INPP5F: variants seen among roughly 807,000 people sequenced by gnomAD.
INPP5F encodes inositol polyphosphate-5-phosphatase F, also known as phosphatidylinositide 4-phosphatase SAC2.
Under a neutral mutation model 137.2 loss-of-function variants are expected in INPP5F, and 97 were observed. That is an observed-to-expected ratio of 0.71 (90% confidence interval 0.60 to 0.84). The LOEUF is 0.84. Ranked by LOEUF, INPP5F falls within the 40% of genes least tolerant of loss-of-function variation. The pLI is 0.00. For missense variants in INPP5F, 1,271 were observed against 1,371.9 expected, an observed-to-expected ratio of 0.93 and a Z score of 1.16; for synonymous variants, 504 against 476.9, an observed-to-expected ratio of 1.06 and a Z score of -0.74.
chr10:119,727,228 C>T (rs1847920815), intron 1 of INPP5F, among the ~76,000 whole-genome samples: 1 of 152,146 alleles, frequency 6.6e-6, no homozygotes, highest in African/African-American at 2.4e-5. Flanking sequence ...TTAGGGAAAG[C>T]GAGAGGATAG....
intron 2 of INPP5F, among the ~76,000 whole-genome samples, chr10:119,778,783 G>GT (rs1472695061): frequency 6.6e-6 from 1 of 152,088 alleles, no homozygotes; most frequent in Non-Finnish European, 1.5e-5. Flanking sequence ...AGTTCAGTTA[G>GT]TTTTTTCTTC....
chr10:119,811,726 A>G (rs1009601985), intron 14 of INPP5F, 31 bp from the exon 15 acceptor site: 3 of 1,533,034 alleles, frequency 2.0e-6, no homozygotes, highest in Non-Finnish European at 2.7e-6. Flanking sequence ...GTAAACTAAA[A>G]TGATGATAGA....
At chr10:119,810,044 T>C in intron 13 of INPP5F, 56 bp from the exon 14 acceptor site, 1 of 964,598 alleles carries the variant, frequency 1.0e-6, no homozygotes, top group East Asian at 2.4e-5. Context: ...CCACAATTTA[T>C]TTTGGGGGCA....
At position 119,811,794 on chromosome 10, in the gene INPP5F, T is replaced by G; in HGVS notation, c.1725T>G (p.Tyr575Ter). ...GCATTCCAGTGACAGAAGATCTTTA[T>G]TCCATATTTACCAAGGAGAAAGAAC... is the stretch of plus-strand genomic sequence containing the variant. The part of the protein sequence containing the change: ...MQGIPVTEDL[Y>*]SIFTKEKEHE... Residue 575 changes from tyrosine (Y) to a stop codon, truncating the protein, a stop_gained, in exon 15 of 20, where the codon TAT becomes TAG. Transcript: ENST00000650623. LOFTEE classifies it high-confidence loss of function. 6.2e-7 allele frequency: 1 copy of G among 1,614,166 alleles called. No homozygotes were observed. The highest frequency in any genetic ancestry group is 1.1e-5 in the South Asian group (1 of 91,090).
At chr10:119,746,190 A>G (rs770275915) in intron 1 of INPP5F, among the ~76,000 whole-genome samples, 2 of 152,146 alleles carry the variant, frequency 1.3e-5, no homozygotes, top group Non-Finnish European at 2.9e-5. Context: ...TGTTTCTCCA[A>G]TGATGGGACA....
intron 2 of INPP5F, among the ~76,000 whole-genome samples, chr10:119,780,165 G>A (rs1257931381): frequency 6.6e-6 from 1 of 152,110 alleles, no homozygotes; most frequent in Admixed American, 6.5e-5. Flanking sequence ...GTAGCTCATC[G>A]TTGACTGAAA....
intron 15 of INPP5F, chr10:119,819,953 G>T (rs1187733437): frequency 1.3e-5 from 2 of 153,410 alleles, no homozygotes; most frequent in African/African-American, 4.8e-5. Context: ...AAGGTCTAGG[G>T]AATAGGTATG....
intron 1 of INPP5F, among the ~76,000 whole-genome samples, chr10:119,732,151 G>A (rs750910600): frequency 6.7e-6 from 1 of 148,414 alleles, no homozygotes; most frequent in African/African-American, 2.5e-5. Context: ...TTCTTGTGCC[G>A]CAGCCTCCTG....
At chr10:119,756,397 A>G (rs1467727428) in intron 2 of INPP5F, among the ~76,000 whole-genome samples, 6 of 152,048 alleles carry the variant, frequency 3.9e-5, no homozygotes, top group African/African-American at 1.4e-4. Context: ...GCACTTTGGG[A>G]GGTCGAGGCG....
intron 9 of INPP5F, among the ~76,000 whole-genome samples, chr10:119,801,675 G>A (rs968081181): frequency 3.3e-5 from 5 of 152,218 alleles, no homozygotes; most frequent in African/African-American, 1.2e-4. Context: ...AGCAGGTGAA[G>A]GCTGCAGTGA....
At chr10:119,758,458 G>A (rs777637581) in intron 2 of INPP5F, among the ~76,000 whole-genome samples, 1 of 152,146 alleles carries the variant, frequency 6.6e-6, no homozygotes, top group Non-Finnish European at 1.5e-5. Flanking sequence ...TAATGTCTGG[G>A]TATAGTCATA....
rs1025272180 is a variant in INPP5F at position 119,755,326 on chromosome 10, A to G, written c.178+4170A>G. Among the ~76,000 whole-genome samples the G allele has an allele frequency of 9.2e-5, 14 of 152,150 alleles. No individual in the cohort carries two copies. In the East Asian group the frequency reaches 2.1e-3, roughly 23 times the overall value. On this transcript the variant is annotated intron_variant, in intron 2 of 19. Coordinates refer to ENST00000650623, the MANE Select transcript of INPP5F (RefSeq NM_014937.4). ...CGAAGCCTCTGTCCTAGGCTTGTAC[A>G]TGGCCACCATCCCCTTGTGTCTTCA...
chr10:119,744,410 C>T (rs770911545), intron 1 of INPP5F, among the ~76,000 whole-genome samples: 2 of 152,172 alleles, frequency 1.3e-5, no homozygotes, highest in Non-Finnish European at 2.9e-5. Flanking sequence ...TTCTCCATTT[C>T]TGTGTTTAGC....
intron 6 of INPP5F, 47 bp from the exon 7 acceptor site, chr10:119,796,668 C>T: frequency 2.2e-6 from 3 of 1,381,886 alleles, no homozygotes; most frequent in Non-Finnish European, 3.1e-6. Context: ...AAGAAAGTAG[C>T]AGTGCTGTAC....
At chr10:119,797,417 A>C (rs775521726) in intron 7 of INPP5F, 44 bp from the exon 8 acceptor site, 2 of 1,456,246 alleles carry the variant, frequency 1.4e-6, no homozygotes, top group South Asian at 1.3e-5. Flanking sequence ...AGACTAAATA[A>C]ATTTTTTAAA....
In INPP5F at chr10:119,788,801, A is replaced by C. The variant is rs529049413; in HGVS notation, c.316-2716A>C. On this transcript the variant is annotated intron_variant, in intron 3 of 19. Coordinates refer to ENST00000650623, the MANE Select transcript of INPP5F (RefSeq NM_014937.4). ...CCCAGAAACTAACCTTGAAGAGAAC[A>C]ATGGACTCGGTCTTTCTGAGTGAGG... is the stretch of plus-strand genomic sequence containing the variant. 2.1e-3 allele frequency among the ~76,000 whole-genome samples: 314 copies of C among 152,354 alleles called. 1 individual carries two copies. Among genetic ancestry groups the C allele is most frequent in the African/African-American group, 7.3e-3 (302 of 41,590 alleles).
At chr10:119,736,485 G>A (rs1019923373) in intron 1 of INPP5F, among the ~76,000 whole-genome samples, 3 of 152,196 alleles carry the variant, frequency 2.0e-5, no homozygotes, top group African/African-American at 7.2e-5. Flanking sequence ...ACTTTTAAAT[G>A]TGTAGGTTTC....
At chr10:119,772,580 ATCATGCTTCCGAAGG>A (rs1313442810) in intron 2 of INPP5F, among the ~76,000 whole-genome samples, 2 of 152,146 alleles carry the variant, frequency 1.3e-5, no homozygotes, top group Non-Finnish European at 2.9e-5. Flanking sequence ...TGGATTATGT[ATCATGCTTCCGAAGG>A]TCCTTCTGCT....
At chr10:119,810,285 C>T (rs1215115513) in intron 14 of INPP5F, 68 bp downstream of exon 14, 2 of 804,406 alleles carry the variant, frequency 2.5e-6, no homozygotes, top group Non-Finnish European at 4.2e-6. Flanking sequence ...TTACAGAAAC[C>T]AGCTTCATTA....
Sources: allele counts gnomAD v4.1 joint callset (sites outside exome capture counted in the v4.1 genomes callset), GRCh38; gene constraint gnomAD v4.1.1; transcripts MANE v1.5; gene names NCBI Gene and HGNC (gene_info 2026-07-23, HGNC 2026-07-21).